HYDIN: variants seen among roughly 807,000 people sequenced by gnomAD.
The protein encoded by HYDIN is HYDIN axonemal central pair apparatus protein.
Under a neutral mutation model 403.9 loss-of-function variants are expected in HYDIN, and 132 were observed. The observed-to-expected ratio is 0.33, with a 90% CI of 0.28 to 0.38. HYDIN has a LOEUF of 0.38. Ranked by LOEUF, HYDIN falls within the 10% of genes least tolerant of loss-of-function variation. The pLI is 1.00. For missense variants in HYDIN, 2,827 were observed against 5,009.5 expected (o/e 0.56, Z 13.15); for synonymous variants, 1,202 against 1,891.7 (o/e 0.64, Z 9.46).
Position 70,837,772 on chromosome 16 carries a change from T to A in HYDIN, c.13160A>T (p.Asn4387Ile), listed in dbSNP as rs776114460. The change falls in exon 77 of 86, where the codon AAC becomes ATC. Residue 4387 changes from asparagine to isoleucine, a missense_variant. By Grantham distance (149) the Asn-to-Ile change is moderately radical. Coordinates refer to ENST00000393567, the MANE Select transcript of HYDIN (RefSeq NM_001270974.2). ...TTCAAAGGGAATGAGTTCTTGATAG[T>A]TGATACTTTCTCGAGGATAAAAAGT... The part of the protein sequence containing the change: ...PITFYPRESI[N>I]YQELIPFEIN... 4 of 1,613,972 alleles carry A rather than the reference T, an allele frequency of 2.5e-6. No homozygotes were observed. Among genetic ancestry groups the A allele is most frequent in the Non-Finnish European group, 3.4e-6 (4 of 1,179,848 alleles).
Position 71,175,669 on chromosome 16 carries a change from G to A in HYDIN, c.454C>T (p.His152Tyr). ...FKVISPKDIG[H>Y]KVAPGVPSIF... is the part of the protein sequence containing the mutation. ...GAAGGCACTCCAGGAGCCACTTTGT[G>A]GCCAATATCTTTGGGGCTGATTACT... The change falls in exon 5 of 86, where the codon CAC becomes TAC. Residue 152 changes from histidine (H) to tyrosine (Y), a missense_variant. His to Tyr is a moderately conservative substitution (Grantham distance 83, BLOSUM62 2). Transcript: ENST00000393567. 6.2e-7 allele frequency: 1 copy of A among 1,614,024 alleles called. No individual in the cohort carries two copies. Among genetic ancestry groups the A allele is most frequent in the Non-Finnish European group, 8.5e-7 (1 of 1,179,852 alleles).
Position 71,020,283 on chromosome 16 carries a change from G to T in HYDIN, c.3221C>A (p.Pro1074His). 6.2e-7 allele frequency: 1 copy of T among 1,613,986 alleles called. No individual in the cohort carries two copies. Among genetic ancestry groups the T allele is most frequent in the Non-Finnish European group, 8.5e-7 (1 of 1,179,974 alleles). ...GGTGGAAATGTTCTTTATGGCCAAG[G>T]GCTGGTAATCAGGTTTCAGGATACT... is the stretch of plus-strand genomic sequence containing the variant. ...PNSILKPDYQ[P>H]LAIKNISTLP... Residue 1074 changes from proline to histidine, a missense_variant, in exon 22 of 86, where the codon CCC (proline) becomes CAC (histidine). Coordinates refer to ENST00000393567, the MANE Select transcript of HYDIN (RefSeq NM_001270974.2).
intron 73 of HYDIN, among the ~76,000 whole-genome samples, chr16:70,853,432 A>T (rs1270597286): frequency 6.7e-6 from 1 of 149,430 alleles, no homozygotes. Context: ...AGCTTTATTC[A>T]TAACAGCCCA....
intron 15 of HYDIN, chr16:71,066,678 A>G (rs1380757464): frequency 2.8e-6 from 1 of 357,570 alleles, no homozygotes; most frequent in African/African-American, 2.1e-5. Flanking sequence ...CAATGACTGT[A>G]GCTTGGTCAA....
rs189414078 is a variant in HYDIN, at chr16:71,186,829, C to T, written c.67G>A (p.Gly23Arg). The T allele has an allele frequency of 6.2e-7, 1 of 1,613,508 alleles. No individual in the cohort carries two copies. Among genetic ancestry groups the T allele is most frequent in the East Asian group, 2.2e-5 (1 of 44,834 alleles). Residue 23 changes from glycine (G) to arginine (R), a missense_variant, in exon 2 of 86, where the codon GGA (glycine) becomes AGA (arginine). Transcript: ENST00000393567. ...GGTGGCAAAACCTTGCTTTGAAATC[C>T]TTTGAACATATTGACCAATCCCATC... is the stretch of plus-strand genomic sequence containing the variant. The part of the protein sequence containing the change: ...VQMGLVNMFK[G>R]FQSKVLPPLS...
At chr16:71,193,677 G>T (rs1357738818) in intron 1 of HYDIN, among the ~76,000 whole-genome samples, 1 of 152,166 alleles carries the variant, frequency 6.6e-6, no homozygotes, top group African/African-American at 2.4e-5. Context: ...TTGTAAAGCA[G>T]AATCTCATAA....
At chr16:70,878,526 C>T (rs1165325383) in intron 62 of HYDIN, among the ~76,000 whole-genome samples, 1 of 142,618 alleles carries the variant, frequency 7.0e-6, no homozygotes, top group African/African-American at 2.8e-5. Flanking sequence ...TTAGAGAATC[C>T]CAAGCCTTCC....
rs753149194 is a variant in HYDIN, at chr16:71,129,753, G to C, written c.1114C>G (p.Pro372Ala). 1.1e-5 allele frequency: 18 copies of C among 1,613,822 alleles called. No individual in the cohort carries two copies. The highest frequency in any genetic ancestry group is 1.4e-5 in the Non-Finnish European group (16 of 1,179,958). The change falls in exon 9 of 86, where the codon CCT (proline) becomes GCT (alanine). Residue 372 changes from proline to alanine, a missense_variant. By Grantham distance (27) the Pro-to-Ala change is conservative. Coordinates refer to ENST00000393567, the MANE Select transcript of HYDIN (RefSeq NM_001270974.2). ...ACAGAAAGATGTTCTCGGAGTAAAG[G>C]ATCAGTAATGCACTCTTCAAAAAAC... is the stretch of plus-strand genomic sequence containing the variant. Reference protein sequence around the residue: ...DEFFEECITDPLLREHLSVLS... With the variant: ...DEFFEECITDALLREHLSVLS...
chr16:70,990,594 G>C (rs1018165197), intron 25 of HYDIN, among the ~76,000 whole-genome samples: 1 of 151,532 alleles, frequency 6.6e-6, no homozygotes, highest in African/African-American at 2.4e-5. Flanking sequence ...TTTTAAAAAA[G>C]AATTTCATAG....
At chr16:71,153,594 T>C (rs1484908502) in intron 6 of HYDIN, among the ~76,000 whole-genome samples, 1 of 151,662 alleles carries the variant, frequency 6.6e-6, no homozygotes, top group East Asian at 2.0e-4. Context: ...TCCCCTCCCA[T>C]CTCATTGTCT....
At chr16:71,223,749 G>C (rs1409196996) in intron 1 of HYDIN, among the ~76,000 whole-genome samples, 1 of 152,038 alleles carries the variant, frequency 6.6e-6, no homozygotes, top group African/African-American at 2.4e-5. Context: ...TAGTTGTCAG[G>C]GAAATGCAAA....
chr16:71,087,078 C>CA (rs2082951582), intron 12 of HYDIN, among the ~76,000 whole-genome samples: 1 of 151,508 alleles, frequency 6.6e-6, no homozygotes, highest in Non-Finnish European at 1.5e-5. Context: ...TGGAAGAGAA[C>CA]GTAAATGTCT....
intron 6 of HYDIN, among the ~76,000 whole-genome samples, chr16:71,157,034 T>A (rs1427672773): frequency 7.3e-6 from 1 of 137,066 alleles, no homozygotes; most frequent in African/African-American, 2.9e-5. Context: ...AGTTTTGCCT[T>A]TGTGATATAC....
intron 45 of HYDIN, among the ~76,000 whole-genome samples, chr16:70,925,699 G>A (rs1256690561): frequency 2.7e-5 from 4 of 150,160 alleles, no homozygotes; most frequent in East Asian, 2.0e-4. Flanking sequence ...GAAAATTTTC[G>A]CAACCTACTC....
At chr16:71,205,449 C>T (rs2088245422) in intron 1 of HYDIN, among the ~76,000 whole-genome samples, 1 of 152,168 alleles carries the variant, frequency 6.6e-6, no homozygotes, top group South Asian at 2.1e-4. Flanking sequence ...AAACCCATCC[C>T]CAACACTTAT....
At chr16:71,174,355 G>A (rs1404141519) in intron 5 of HYDIN, among the ~76,000 whole-genome samples, 1 of 152,160 alleles carries the variant, frequency 6.6e-6, no homozygotes, top group Non-Finnish European at 1.5e-5. Context: ...ATTGACAGCA[G>A]CCGATAGGTA....
At chr16:70,981,368 A>G (rs1234818166) in intron 29 of HYDIN, 23 bp downstream of exon 29, 3 of 1,599,976 alleles carry the variant, frequency 1.9e-6, no homozygotes, top group Non-Finnish European at 2.6e-6. Context: ...CCAGTGGGGA[A>G]CTACTCCAGT....
Position 71,221,811 on chromosome 16 carries a change from C to T in HYDIN, c.-24+8751G>A, listed in dbSNP as rs556207252. Among the ~76,000 whole-genome samples, 3 of 152,132 alleles carry T rather than the reference C, an allele frequency of 2.0e-5. No homozygotes were observed. The South Asian group carries it at 6.3e-4, about 32-fold the overall frequency. On this transcript the variant is annotated intron_variant, in intron 1 of 85. Coordinates refer to ENST00000393567, the MANE Select transcript of HYDIN (RefSeq NM_001270974.2). ...TAAATCAAGTTTAGCCTAAAGCTGC[C>T]TCCTTACATATTTTAAGTTTGGCCT...
At chr16:70,963,833 A>AT (rs2078489743) in intron 37 of HYDIN, among the ~76,000 whole-genome samples, 2 of 142,030 alleles carry the variant, frequency 1.4e-5, no homozygotes, top group South Asian at 4.8e-4. Flanking sequence ...GCACCCATTT[A>AT]TTGGGCACTA....
Sources: allele counts gnomAD v4.1 joint callset (sites outside exome capture counted in the v4.1 genomes callset), GRCh38; gene constraint gnomAD v4.1.1; transcripts MANE v1.5; gene names NCBI Gene and HGNC (gene_info 2026-07-23, HGNC 2026-07-21).